The following PTPRD variants were observed in gnomAD, a reference collection of about 807,000 sequenced individuals.
PTPRD encodes protein tyrosine phosphatase receptor type D, also known as receptor-type tyrosine-protein phosphatase delta.
Under a neutral mutation model 214.5 loss-of-function variants are expected in PTPRD, and 34 were observed. The ratio of observed to expected loss-of-function variants is 0.16; its 90% CI spans 0.12 to 0.21. PTPRD has a LOEUF of 0.21. Ranked by LOEUF, PTPRD falls within the 10% of genes least tolerant of loss-of-function variation. The probability of loss-of-function intolerance (pLI) is 1.00; values close to 1 mark genes in which losing one functional copy is unlikely to be tolerated. For missense variants in PTPRD, 2,545 were observed against 2,398.7 expected (o/e 1.06, Z -1.27); for synonymous variants, 1,128 against 845.7 (o/e 1.33, Z -5.79).
At chr9:9,560,834 T>G (rs2082735591) in intron 8 of PTPRD, among the ~76,000 whole-genome samples, 1 of 152,180 alleles carries the variant, frequency 6.6e-6, no homozygotes, top group Non-Finnish European at 1.5e-5. Flanking sequence ...TCTTGGCTGC[T>G]TGAGCCAGCT....
intron 7 of PTPRD, among the ~76,000 whole-genome samples, chr9:9,667,853 G>A (rs2096752929): frequency 6.6e-6 from 1 of 152,106 alleles, no homozygotes; most frequent in South Asian, 2.1e-4. Context: ...AAGCATCCTT[G>A]GTGACCTTGC....
intron 14 of PTPRD, among the ~76,000 whole-genome samples, chr9:8,583,756 A>G (rs1022281791): frequency 1.3e-5 from 2 of 152,200 alleles, no homozygotes; most frequent in Non-Finnish European, 2.9e-5. Context: ...TTCAACTGCA[A>G]TGTTTCATGT....
At chr9:8,713,545 G>C in intron 12 of PTPRD, 1 of 1,325,880 alleles carries the variant, frequency 7.5e-7, no homozygotes, top group Non-Finnish European at 1.1e-6. Flanking sequence ...GAAGAACTTC[G>C]GGATCTGGCT....
intron 3 of PTPRD, among the ~76,000 whole-genome samples, chr9:10,218,363 C>T (rs1035684345): frequency 4.0e-5 from 6 of 151,856 alleles, no homozygotes; most frequent in Non-Finnish European, 8.8e-5. Context: ...AGAAATTGTT[C>T]AGTTACCTTT....
chr9:8,533,489 C>G (rs573494570), intron 14 of PTPRD, among the ~76,000 whole-genome samples: 16 of 151,984 alleles, frequency 1.1e-4, no homozygotes, highest in Admixed American at 2.0e-4. Flanking sequence ...GCAAGTATAC[C>G]TGAACACTTA....
chr9:10,028,315 C>T (rs1008203696), intron 4 of PTPRD, among the ~76,000 whole-genome samples: 25 of 152,244 alleles, frequency 1.6e-4, no homozygotes, highest in Non-Finnish European at 2.5e-4. Flanking sequence ...ATCTCTTTAT[C>T]ACCAGTGTGA....
At chr9:10,335,123 T>G (rs918222860) in intron 3 of PTPRD, among the ~76,000 whole-genome samples, 2 of 151,618 alleles carry the variant, frequency 1.3e-5, no homozygotes, top group Non-Finnish European at 2.9e-5. Flanking sequence ...AAACCCAGAA[T>G]AGCCAAGCCA....
At chr9:9,074,073 T>A (rs2099747578) in intron 10 of PTPRD, among the ~76,000 whole-genome samples, 1 of 151,996 alleles carries the variant, frequency 6.6e-6, no homozygotes, top group Non-Finnish European at 1.5e-5. Context: ...TTTGTTATCC[T>A]TAAAATAATC....
chr9:8,645,421 G>T (rs1728282003), intron 12 of PTPRD, among the ~76,000 whole-genome samples: 1 of 152,160 alleles, frequency 6.6e-6, no homozygotes, highest in Admixed American at 6.5e-5. Context: ...CCTCAATACA[G>T]TTCTTGACAC....
At chr9:9,940,402 G>A (rs975615235) in intron 4 of PTPRD, among the ~76,000 whole-genome samples, 7 of 152,090 alleles carry the variant, frequency 4.6e-5, no homozygotes, top group Non-Finnish European at 7.4e-5. Flanking sequence ...GTTGCCAGGG[G>A]AATAGGATAG....
At chr9:9,626,011 CAA>C in intron 7 of PTPRD, among the ~76,000 whole-genome samples, 1 of 152,078 alleles carries the variant, frequency 6.6e-6, no homozygotes, top group Non-Finnish European at 1.5e-5. Flanking sequence ...AAACAGCAAT[CAA>C]CAATAGGTAA....
chr9:8,829,964 C>T (rs993462748), intron 11 of PTPRD, among the ~76,000 whole-genome samples: 1 of 152,086 alleles, frequency 6.6e-6, no homozygotes, highest in South Asian at 2.1e-4. Flanking sequence ...GTAGCTGAGA[C>T]AACAGACCTT....
chr9:9,796,193 C>T (rs981069635), intron 5 of PTPRD, among the ~76,000 whole-genome samples: 5 of 151,950 alleles, frequency 3.3e-5, no homozygotes, highest in East Asian at 1.9e-4. Context: ...AAATCCTTTC[C>T]TCAGTTGAAA....
chr9:8,760,583 G>C (rs913463213), intron 11 of PTPRD, among the ~76,000 whole-genome samples: 3 of 150,066 alleles, frequency 2.0e-5, no homozygotes, highest in African/African-American at 7.5e-5. Context: ...TCTCTCCCTT[G>C]CTCCCTCTCT....
chr9:8,650,571 C>T (rs1301703968), intron 12 of PTPRD, among the ~76,000 whole-genome samples: 5 of 144,486 alleles, frequency 3.5e-5, no homozygotes, highest in South Asian at 2.2e-4. Flanking sequence ...GGATAAACAA[C>T]GGGAAACATA....
intron 39 of PTPRD, among the ~76,000 whole-genome samples, chr9:8,359,374 G>C (rs1031579981): frequency 2.0e-5 from 3 of 151,860 alleles, no homozygotes; most frequent in Non-Finnish European, 2.9e-5. Context: ...GCCCAGGCTG[G>C]AGTGCAGTGG....
At chr9:9,074,738 G>C (rs2099748568) in intron 10 of PTPRD, among the ~76,000 whole-genome samples, 1 of 151,122 alleles carries the variant, frequency 6.6e-6, no homozygotes, top group South Asian at 2.1e-4. Context: ...AGAGTTGTTT[G>C]AGCTCCTTGT....
At chr9:9,459,082 C>T (rs941160145) in intron 8 of PTPRD, among the ~76,000 whole-genome samples, 3 of 151,940 alleles carry the variant, frequency 2.0e-5, no homozygotes, top group Admixed American at 6.6e-5. Flanking sequence ...GAAAAGGAAA[C>T]CAGAAAGTCT....
intron 8 of PTPRD, among the ~76,000 whole-genome samples, chr9:9,479,229 C>CCCA (rs2095285378): frequency 9.9e-6 from 1 of 100,540 alleles, no homozygotes; most frequent in Non-Finnish European, 2.1e-5. Flanking sequence ...CCCCCCCCCC[C>CCCA]ACACACACAC....
Sources: gnomAD v4.1 joint callset for allele counts (sites outside exome capture counted in the v4.1 genomes callset) on GRCh38, gnomAD v4.1.1 for gene constraint, MANE v1.5 for transcripts, NCBI Gene and HGNC (gene_info 2026-07-23, HGNC 2026-07-21) for gene names.